The following HTR1F variants were observed in gnomAD, a reference collection of about 807,000 sequenced individuals.
HTR1F encodes the protein 5-hydroxytryptamine (serotonin) receptor 1F, G protein-coupled.
A neutral mutation model predicts 24.0 loss-of-function variants in HTR1F; 17 were observed. The ratio of observed to expected loss-of-function variants is 0.71; its 90% CI spans 0.48 to 1.06. The LOEUF (loss-of-function observed/expected upper bound fraction) is 1.06. Ranked by LOEUF, HTR1F falls within the 50% of genes least tolerant of loss-of-function variation. HTR1F has a pLI of 0.00. For missense variants in HTR1F, 391 were observed against 427.8 expected (o/e 0.91, Z 0.76); for synonymous variants, 186 against 156.8 (o/e 1.19, Z -1.39).
intron 2 of HTR1F, among the ~76,000 whole-genome samples, chr3:87,836,194 G>T (rs1704679088): frequency 6.6e-6 from 1 of 152,162 alleles, no homozygotes; most frequent in Admixed American, 6.6e-5. Context: ...CCAATTCACT[G>T]ATTTAGGAAA....
At chr3:87,877,728 G>A (rs1705701920) in intron 2 of HTR1F, among the ~76,000 whole-genome samples, 1 of 152,144 alleles carries the variant, frequency 6.6e-6, no homozygotes, top group South Asian at 2.1e-4. Context: ...CAAGCTCCCA[G>A]CTGCTGCTGT....
chr3:87,866,494 C>T (rs1157984572), intron 2 of HTR1F, among the ~76,000 whole-genome samples: 1 of 151,696 alleles, frequency 6.6e-6, no homozygotes, highest in African/African-American at 2.4e-5. Context: ...ATCTGTACTA[C>T]AAGCCATCAC....
chr3:87,841,404 T>C (rs987256428), intron 2 of HTR1F, among the ~76,000 whole-genome samples: 1 of 151,890 alleles, frequency 6.6e-6, no homozygotes, highest in Non-Finnish European at 1.5e-5. Context: ...CAGCGAATAT[T>C]CTTTTTTACT....
intron 2 of HTR1F, among the ~76,000 whole-genome samples, chr3:87,915,928 A>G (rs1243237873): frequency 6.6e-6 from 1 of 152,132 alleles, no homozygotes; most frequent in Non-Finnish European, 1.5e-5. Flanking sequence ...AGTTAAGATA[A>G]AGGAAAGCAT....
At chr3:87,923,793 A>G (rs1276188206) in intron 2 of HTR1F, among the ~76,000 whole-genome samples, 1 of 152,028 alleles carries the variant, frequency 6.6e-6, no homozygotes, top group Non-Finnish European at 1.5e-5. Flanking sequence ...GATATATCAC[A>G]TTTATTGATT....
intron 2 of HTR1F, among the ~76,000 whole-genome samples, chr3:87,886,564 G>T (rs1047442368): frequency 6.6e-6 from 1 of 152,184 alleles, no homozygotes; most frequent in African/African-American, 2.4e-5. Context: ...CCTGTTTGCA[G>T]ATGACATGAC....
chr3:87,927,689 CCAAT>C (rs1350123950), intron 2 of HTR1F, among the ~76,000 whole-genome samples: 1 of 152,098 alleles, frequency 6.6e-6, no homozygotes, highest in Non-Finnish European at 1.5e-5. Flanking sequence ...TCTACAAATA[CCAAT>C]CAAATATCTC....
At chr3:87,873,875 C>T (rs146019097) in intron 2 of HTR1F, among the ~76,000 whole-genome samples, 1,608 of 152,092 alleles carry the variant, frequency 0.011, 13 homozygotes, top group Non-Finnish European at 0.015. Flanking sequence ...AGGACAAAAA[C>T]CATATGATTA....
Position 87,851,919 on chromosome 3 carries a change from C to A in HTR1F, c.-43+29795C>A, listed in dbSNP as rs116520059. On this transcript the variant is annotated intron_variant, in intron 2 of 2. Transcript: ENST00000319595. ...CAGGAAATGGGTTAAATGAAAATAA[C>A]AGTTTAATTTACTTTGCTATTTTGA... Among the ~76,000 whole-genome samples, 518 of 146,860 alleles carry A rather than the reference C, an allele frequency of 3.5e-3. 12 individuals are homozygous for A. The highest frequency in any genetic ancestry group is 0.011 in the Middle Eastern group (3 of 284).
intron 2 of HTR1F, among the ~76,000 whole-genome samples, chr3:87,892,680 G>A (rs188383254): frequency 1.8e-3 from 269 of 151,958 alleles, no homozygotes; most frequent in African/African-American, 6.2e-3. Context: ...ATTCACTTGT[G>A]GTTTTAATTA....
intron 2 of HTR1F, among the ~76,000 whole-genome samples, chr3:87,824,024 C>A (rs899596668): frequency 1.4e-5 from 2 of 148,112 alleles, no homozygotes; most frequent in East Asian, 2.0e-4. Flanking sequence ...ACCAGCCTGG[C>A]GACAGGGTGA....
At chr3:87,893,354 T>C (rs1706125104) in intron 2 of HTR1F, among the ~76,000 whole-genome samples, 2 of 152,206 alleles carry the variant, frequency 1.3e-5, no homozygotes, top group Non-Finnish European at 2.9e-5. Context: ...TAAAAATGAT[T>C]CCACCTACAG....
intron 2 of HTR1F, among the ~76,000 whole-genome samples, chr3:87,952,596 C>A (rs187499243): frequency 4.6e-5 from 7 of 152,110 alleles, no homozygotes; most frequent in African/African-American, 1.7e-4. Flanking sequence ...GAAATGATAT[C>A]TTCACGTAGA....
chr3:87,920,837 A>G (rs1329606665), intron 2 of HTR1F, among the ~76,000 whole-genome samples: 2 of 151,906 alleles, frequency 1.3e-5, no homozygotes, highest in African/African-American at 4.8e-5. Flanking sequence ...GTGAGTACCT[A>G]TATAACAAAC....
At chr3:87,934,262 T>G (rs1704357561) in intron 2 of HTR1F, among the ~76,000 whole-genome samples, 1 of 152,310 alleles carries the variant, frequency 6.6e-6, no homozygotes, top group Non-Finnish European at 1.5e-5. Context: ...TAACACATGC[T>G]AAGAGTTTAA....
chr3:87,848,236 C>T (rs559418929), intron 2 of HTR1F, among the ~76,000 whole-genome samples: 101 of 151,748 alleles, frequency 6.7e-4, no homozygotes, highest in Non-Finnish European at 1.1e-3. Context: ...TAGCTCATTG[C>T]GGTTTTGATT....
intron 1 of HTR1F, among the ~76,000 whole-genome samples, chr3:87,798,343 C>T (rs1010915277): frequency 6.6e-6 from 1 of 152,084 alleles, no homozygotes; most frequent in African/African-American, 2.4e-5. Flanking sequence ...AGCTGACCAC[C>T]CTCTCTGCTC....
At chr3:87,982,347 G>A (rs919468101) in intron 2 of HTR1F, among the ~76,000 whole-genome samples, 1 of 152,168 alleles carries the variant, frequency 6.6e-6, no homozygotes, top group African/African-American at 2.4e-5. Context: ...AATAGTCTAA[G>A]AATAGTCTGA....
chr3:87,804,720 G>T (rs1251235730), intron 1 of HTR1F, among the ~76,000 whole-genome samples: 1 of 151,848 alleles, frequency 6.6e-6, no homozygotes, highest in Non-Finnish European at 1.5e-5. Flanking sequence ...CCCCTCTGTT[G>T]ATGTCTTTGA....
Sources: allele counts gnomAD v4.1 joint callset (sites outside exome capture counted in the v4.1 genomes callset), GRCh38; gene constraint gnomAD v4.1.1; transcripts MANE v1.5; gene names NCBI Gene and HGNC (gene_info 2026-07-23, HGNC 2026-07-21).